MRC1: variants seen among roughly 807,000 people sequenced by gnomAD.
The protein encoded by MRC1 is macrophage mannose receptor 1.
In MRC1, 62 loss-of-function variants were observed where a neutral mutation model predicts 102.9. The observed-to-expected ratio is 0.60, with a 90% CI of 0.49 to 0.74. MRC1 has a LOEUF of 0.74. MRC1 is among the 30% of genes least tolerant of loss of function. MRC1 has a pLI of 0.00. For missense variants in MRC1, 1,237 were observed against 862.8 expected, an observed-to-expected ratio of 1.43 and a Z score of -5.43; for synonymous variants, 457 against 298.4, an observed-to-expected ratio of 1.53 and a Z score of -5.48.
chr10:17,877,397 C>T (rs1833451432), intron 17 of MRC1, among the ~76,000 whole-genome samples: 2 of 149,648 alleles, frequency 1.3e-5, no homozygotes, highest in African/African-American at 4.9e-5. Context: ...CTCACCTCAG[C>T]CTCCCAAGTA....
chr10:17,853,689 C>T (rs1004233399), intron 8 of MRC1, among the ~76,000 whole-genome samples: 2,223 of 151,676 alleles, frequency 0.015, 26 homozygotes, highest in Middle Eastern at 0.058. Flanking sequence ...CTACTTACAG[C>T]TACGGTGGAT....
intron 10 of MRC1, 88 bp downstream of exon 10, chr10:17,861,590 T>A: frequency 1.4e-6 from 1 of 730,466 alleles, no homozygotes. Context: ...TCTAAATTTC[T>A]GAGTATGTGT....
Position 17,833,842 on chromosome 10 carries a change from AAG to A in MRC1, c.802+4_802+5del. 2 of 780,594 alleles carry A rather than the reference AAG, an allele frequency of 2.6e-6. No homozygotes were observed. Among genetic ancestry groups the A allele is most frequent in the Non-Finnish European group, 4.8e-6 (2 of 417,936 alleles). The allele number at this position is 780,594 out of a possible 1,614,324, so 48.4% of individuals were successfully genotyped here. A position where few individuals can be genotyped will look rare whatever the true frequency, so the allele number is the denominator to read the frequency against. On this transcript the variant is annotated splice_donor_5th_base_variant and intron_variant, in intron 4 of 29. Transcript: ENST00000569591. ...TCATGAGCAAACATACCTGACAGGT[AAG>A]GACATGAAAAGTCTCAAGTAAAATC...
chr10:17,902,164 A>C (rs1038583371), intron 26 of MRC1, 42 bp downstream of exon 26: 5 of 758,434 alleles, frequency 6.6e-6, no homozygotes, highest in Non-Finnish European at 1.2e-5. Flanking sequence ...ATAATCATCT[A>C]TTCTGGGGTC....
rs1312333037 is a variant in MRC1 at position 17,845,446 on chromosome 10, T to C, written c.1063+11T>C. 7 of 780,734 alleles carry C rather than the reference T, an allele frequency of 9.0e-6. No homozygotes were observed. The highest frequency in any genetic ancestry group is 1.7e-5 in the Non-Finnish European group (7 of 417,948). The allele number at this position is 780,734 out of a possible 1,614,324, so 48.4% of individuals were successfully genotyped here. On this transcript the variant is annotated intron_variant, in intron 6 of 29. Coordinates refer to ENST00000569591, the MANE Select transcript of MRC1 (RefSeq NM_002438.4). ...TTGTTATTCCCTCAGGTAAGTGATC[T>C]ATGGGATCTGAAGTGCCTCAACTAT...
chr10:17,842,631 C>T (rs1441122092), intron 5 of MRC1, among the ~76,000 whole-genome samples: 1 of 152,084 alleles, frequency 6.6e-6, no homozygotes, highest in Non-Finnish European at 1.5e-5. Context: ...TACTAGTTGG[C>T]CTCAATCAGA....
intron 7 of MRC1, among the ~76,000 whole-genome samples, chr10:17,852,640 T>C (rs1204154464): frequency 1.3e-5 from 2 of 152,218 alleles, no homozygotes; most frequent in African/African-American, 2.4e-5. Context: ...CTTCATAAGA[T>C]AGAGCATAGT....
chr10:17,853,512 T>TA (rs1833019059), intron 8 of MRC1, among the ~76,000 whole-genome samples: 1 of 151,986 alleles, frequency 6.6e-6, no homozygotes, highest in African/African-American at 2.4e-5. Context: ...CATGTATATA[T>TA]AAAAAGTTAT....
At chr10:17,837,462 A>C (rs1437902822) in intron 4 of MRC1, among the ~76,000 whole-genome samples, 1 of 152,218 alleles carries the variant, frequency 6.6e-6, no homozygotes, top group Non-Finnish European at 1.5e-5. Flanking sequence ...AATAATCCAG[A>C]AAACAGTGGT....
intron 23 of MRC1, among the ~76,000 whole-genome samples, chr10:17,895,419 T>A (rs1833740953): frequency 6.6e-6 from 1 of 152,134 alleles, no homozygotes. Context: ...TAAAACTTTC[T>A]ATTAGAAATT....
Position 17,835,827 on chromosome 10 carries a change from C to T in MRC1, c.802+1988C>T, listed in dbSNP as rs533204641. ...AAAGTGATGATGCCTGGGCTGAGAT[C>T]CCGAAGACTCTAGATCAGTAGGTGT... On this transcript the variant is annotated intron_variant, in intron 4 of 29. Coordinates refer to ENST00000569591, the MANE Select transcript of MRC1 (RefSeq NM_002438.4). 1.2e-4 allele frequency among the ~76,000 whole-genome samples: 18 copies of T among 152,302 alleles called. No individual in the cohort carries two copies. In the South Asian group the frequency reaches 3.7e-3, roughly 32 times the overall value.
chr10:17,907,721 G>A, intron 28 of MRC1, 23 bp downstream of exon 28: 1 of 780,456 alleles, frequency 1.3e-6, no homozygotes, highest in Non-Finnish European at 2.4e-6. Flanking sequence ...TTTGTTGCAT[G>A]GTGCATATCA....
chr10:17,833,559 A>C, intron 3 of MRC1, 116 bp from the exon 4 acceptor site: 1 of 730,664 alleles, frequency 1.4e-6, no homozygotes. Flanking sequence ...GAAAAAAAGA[A>C]AGGAAAGAAA....
chr10:17,825,977 C>T (rs887680767), intron 2 of MRC1, among the ~76,000 whole-genome samples: 2 of 151,910 alleles, frequency 1.3e-5, no homozygotes, highest in Non-Finnish European at 2.9e-5. Flanking sequence ...AAGCTGGAAT[C>T]GCATTTTAAA....
chr10:17,848,170 C>T (rs782601729), intron 6 of MRC1, among the ~76,000 whole-genome samples: 16,406 of 152,056 alleles, frequency 0.11, 1,025 homozygotes, highest in Non-Finnish European at 0.14. Context: ...TACCCTATAA[C>T]GAACATATAC....
At chr10:17,811,972 G>A (rs1838230430) in intron 1 of MRC1, among the ~76,000 whole-genome samples, 1 of 152,148 alleles carries the variant, frequency 6.6e-6, no homozygotes, top group African/African-American at 2.4e-5. Flanking sequence ...TTAGTTAGCA[G>A]CAGGTTAAAC....
At chr10:17,875,967 G>T (rs1833430717) in intron 17 of MRC1, among the ~76,000 whole-genome samples, 1 of 152,322 alleles carries the variant, frequency 6.6e-6, no homozygotes, top group East Asian at 1.9e-4. Context: ...TCTTGCAGGA[G>T]TAAAGTGGTG....
chr10:17,856,169 CAAAAAAAAAAAA>C, intron 8 of MRC1, 61 bp from the exon 9 acceptor site: 1 of 516,890 alleles, frequency 1.9e-6, no homozygotes, highest in Non-Finnish European at 3.4e-6. Context: ...GACACTGTCT[CAAAAAAAAAAAA>C]AAAAAAAAGG....
chr10:17,845,466 A>C, intron 6 of MRC1, 31 bp downstream of exon 6: 2 of 780,424 alleles, frequency 2.6e-6, no homozygotes, highest in Non-Finnish European at 2.4e-6. Flanking sequence ...GAAGTGCCTC[A>C]ACTATTAGAA....
Sources: allele counts gnomAD v4.1 joint callset (sites outside exome capture counted in the v4.1 genomes callset), GRCh38; gene constraint gnomAD v4.1.1; transcripts MANE v1.5; gene names NCBI Gene and HGNC (gene_info 2026-07-23, HGNC 2026-07-21).